The following LRFN5 variants were observed in gnomAD, a reference collection of about 807,000 sequenced individuals.
The protein encoded by LRFN5 is leucine-rich repeat and fibronectin type-III domain-containing protein 5.
LRFN5 carries 24 observed loss-of-function variants against 45.6 expected under a neutral mutation model. That is an observed-to-expected ratio of 0.53 (90% CI 0.38 to 0.74). The LOEUF is 0.74. Among genes scored for constraint, LRFN5 ranks in the 30% least tolerant of loss-of-function variants. The pLI is 0.00. For missense variants in LRFN5, 776 were observed against 861.5 expected (o/e 0.90, Z 1.24); for synonymous variants, 340 against 313.8 (o/e 1.08, Z -0.88).
chr14:41,806,730 A>G (rs1235965145), intron 2 of LRFN5, among the ~76,000 whole-genome samples: 1 of 152,160 alleles, frequency 6.6e-6, no homozygotes, highest in Non-Finnish European at 1.5e-5. Flanking sequence ...CCAGCTAAGC[A>G]GATACCCTCC....
intron 1 of LRFN5, among the ~76,000 whole-genome samples, chr14:41,618,891 C>T (rs1888014418): frequency 6.6e-6 from 1 of 152,080 alleles, no homozygotes; most frequent in African/African-American, 2.4e-5. Flanking sequence ...TTTCTTACAC[C>T]TTTGGAAATA....
chr14:41,832,608 C>T (rs1888524518), intron 2 of LRFN5, among the ~76,000 whole-genome samples: 1 of 152,090 alleles, frequency 6.6e-6, no homozygotes, highest in South Asian at 2.1e-4. Context: ...CACAACATGA[C>T]TCCTGGACTT....
At chr14:41,825,840 T>A (rs1454478605) in intron 2 of LRFN5, among the ~76,000 whole-genome samples, 3 of 152,300 alleles carry the variant, frequency 2.0e-5, no homozygotes, top group Non-Finnish European at 4.4e-5. Flanking sequence ...CTTGGGTTTA[T>A]GAGGGCAGAG....
At chr14:41,739,943 C>A (rs984904465) in intron 1 of LRFN5, among the ~76,000 whole-genome samples, 1 of 147,134 alleles carries the variant, frequency 6.8e-6, no homozygotes, top group Non-Finnish European at 1.5e-5. Flanking sequence ...AAATGAATAA[C>A]ACAGAAAAAA....
intron 1 of LRFN5, among the ~76,000 whole-genome samples, chr14:41,750,636 A>T (rs1229868256): frequency 6.6e-6 from 1 of 152,122 alleles, no homozygotes; most frequent in Non-Finnish European, 1.5e-5. Context: ...GTATTAGTCC[A>T]TTTTCAAACT....
At chr14:41,738,126 T>C (rs1167781991) in intron 1 of LRFN5, among the ~76,000 whole-genome samples, 1 of 152,154 alleles carries the variant, frequency 6.6e-6, no homozygotes, top group Non-Finnish European at 1.5e-5. Context: ...CAAAACAGCA[T>C]GGTACTGGTA....
At chr14:41,892,868 C>T (rs750932169) in intron 4 of LRFN5, 53 of 984,808 alleles carry the variant, frequency 5.4e-5, no homozygotes, top group Admixed American at 6.2e-5. Flanking sequence ...AAGATGTTTT[C>T]ATTCATTTAA....
At chr14:41,767,138 A>G (rs1885914168) in intron 2 of LRFN5, 109 bp downstream of exon 2, 2 of 152,418 alleles carry the variant, frequency 1.3e-5, no homozygotes, top group Non-Finnish European at 2.9e-5. Context: ...AGTATTATTC[A>G]TCACTGATTA....
chr14:41,651,979 G>T (rs762504692), intron 1 of LRFN5, among the ~76,000 whole-genome samples: 5 of 151,434 alleles, frequency 3.3e-5, no homozygotes, highest in Non-Finnish European at 7.4e-5. Context: ...AGTCAGACTG[G>T]ATTAAGATCC....
At chr14:41,712,732 C>A (rs1240811513) in intron 1 of LRFN5, among the ~76,000 whole-genome samples, 1 of 152,040 alleles carries the variant, frequency 6.6e-6, no homozygotes, top group South Asian at 2.1e-4. Flanking sequence ...ATGCTAATAA[C>A]AGCTTAAATT....
At chr14:41,902,895 C>T (rs1194126562) in intron 5 of LRFN5, among the ~76,000 whole-genome samples, 2 of 151,374 alleles carry the variant, frequency 1.3e-5, no homozygotes, top group African/African-American at 4.8e-5. Context: ...TGCAATGAAC[C>T]AAATAAAGAA....
At position 41,819,365 on chromosome 14, in the gene LRFN5, A is replaced by T. The variant is rs991500530; in HGVS notation, c.-21+52336A>T. On this transcript the variant is annotated intron_variant, in intron 2 of 5. Transcript: ENST00000298119. ...CCAATAATGTATAAGTGTTCCCTTT[A>T]CATTCATATTAACATCTATTGATTT... Among the ~76,000 whole-genome samples the T allele has an allele frequency of 2.0e-5, 3 of 152,090 alleles. No individual in the cohort carries two copies. In the South Asian group the frequency reaches 6.2e-4, roughly 32 times the overall value.
intron 4 of LRFN5, 102 bp downstream of exon 4, chr14:41,892,064 A>AC: frequency 1.3e-6 from 2 of 1,490,984 alleles, no homozygotes; most frequent in Admixed American, 5.5e-5. Flanking sequence ...CTCGCCGAAC[A>AC]CATGTGGACT....
At chr14:41,885,083 C>A (rs552044951) in intron 2 of LRFN5, among the ~76,000 whole-genome samples, 1 of 151,658 alleles carries the variant, frequency 6.6e-6, no homozygotes, top group African/African-American at 2.4e-5. Flanking sequence ...GTAGCTCATG[C>A]CTGTACTTGC....
intron 4 of LRFN5, chr14:41,893,323 T>C: frequency 1.0e-6 from 1 of 958,040 alleles, no homozygotes. Context: ...CTTGAAAAAC[T>C]TAATTATATA....
chr14:41,867,412 C>T (rs912204460), intron 2 of LRFN5, among the ~76,000 whole-genome samples: 1 of 151,854 alleles, frequency 6.6e-6, no homozygotes, highest in African/African-American at 2.4e-5. Context: ...AATCCTAATG[C>T]CCTGGTTTTA....
chr14:41,633,531 T>A (rs2138583068), intron 1 of LRFN5, among the ~76,000 whole-genome samples: 1 of 152,288 alleles, frequency 6.6e-6, no homozygotes, highest in South Asian at 2.1e-4. Flanking sequence ...CAGTGTTTAG[T>A]GAAACAATCT....
chr14:41,646,369 A>G (rs1226233054), intron 1 of LRFN5, among the ~76,000 whole-genome samples: 2 of 152,172 alleles, frequency 1.3e-5, no homozygotes, highest in African/African-American at 4.8e-5. Context: ...TCCTATAAAA[A>G]TAATTTCAGC....
chr14:41,821,140 T>C (rs900519013), intron 2 of LRFN5, among the ~76,000 whole-genome samples: 5 of 151,938 alleles, frequency 3.3e-5, no homozygotes, highest in African/African-American at 1.2e-4. Context: ...GGTTTTCCAG[T>C]ACAATGTATA....
Sources: gnomAD v4.1 joint callset for allele counts (sites outside exome capture counted in the v4.1 genomes callset) on GRCh38, gnomAD v4.1.1 for gene constraint, MANE v1.5 for transcripts, NCBI Gene and HGNC (gene_info 2026-07-23, HGNC 2026-07-21) for gene names.